The following TAPT1 variants were observed in gnomAD, a reference collection of about 807,000 sequenced individuals.
TAPT1 encodes transmembrane anterior posterior transformation 1, also known as transmembrane anterior posterior transformation protein 1 homolog.
Under a neutral mutation model 65.6 loss-of-function variants are expected in TAPT1, and 28 were observed. The observed-to-expected ratio is 0.43, with a 90% CI of 0.32 to 0.59. The LOEUF (loss-of-function observed/expected upper bound fraction) is 0.59, where lower values mean the gene tolerates loss of function less well. Among genes scored for constraint, TAPT1 ranks in the 20% least tolerant of loss-of-function variants. TAPT1 has a pLI of 0.09. For missense variants in TAPT1, 563 were observed against 679.9 expected (o/e 0.83, Z 1.91); for synonymous variants, 278 against 245.2 (o/e 1.13, Z -1.25).
At chr4:16,188,737 A>T (rs1344426468) in intron 4 of TAPT1, among the ~76,000 whole-genome samples, 2 of 152,022 alleles carry the variant, frequency 1.3e-5, no homozygotes, top group African/African-American at 2.4e-5. Context: ...TGGCTAACAC[A>T]GTGAAACGCC....
rs1419358080 is a variant in TAPT1, at chr4:16,160,885, A to G, written c.*2423T>C. 1 of 152,654 alleles carries G rather than the reference A, an allele frequency of 6.6e-6. No homozygotes were observed. Among genetic ancestry groups the G allele is most frequent in the Non-Finnish European group, 1.5e-5 (1 of 68,042 alleles). 9.5% of individuals were successfully genotyped at this position (152,654 alleles called of 1,614,324 possible). ...AAACTCTAAATACTGGCCAAAGTCC[A>G]CAAGAAAATCTGGACAAGCGTATCA... is the stretch of plus-strand genomic sequence containing the variant. On this transcript the variant is annotated 3_prime_UTR_variant, in exon 14 of 14. Transcript: ENST00000405303.
In TAPT1 at chr4:16,186,587, T is replaced by C; in HGVS notation, c.864A>G (p.Gly288=). ...MMSNNFVEIK[G]SVFKKFEKNN... Reference sequence around the variant, plus strand: ...TCTTTTCAAACTTCTTGAAAACACTTCCTTTAATTTCAACAAACTGAAATA... The same window carrying C: ...TCTTTTCAAACTTCTTGAAAACACTCCCTTTAATTTCAACAAACTGAAATA... The change falls in exon 7 of 14, where the codon GGA becomes GGG. Residue 288 remains glycine, a synonymous_variant. Transcript: ENST00000405303. 1 of 1,533,186 alleles carries C rather than the reference T, an allele frequency of 6.5e-7. No individual in the cohort carries two copies. The highest frequency in any genetic ancestry group is 8.9e-7 in the Non-Finnish European group (1 of 1,129,440). The allele number at this position is 1,533,186 out of a possible 1,614,324, so 95.0% of individuals were successfully genotyped here.
At chr4:16,164,965 C>A (rs1747497217) in intron 13 of TAPT1, among the ~76,000 whole-genome samples, 1 of 152,082 alleles carries the variant, frequency 6.6e-6, no homozygotes, top group Non-Finnish European at 1.5e-5. Flanking sequence ...CCCAACTCTC[C>A]TCTCCTCCCT....
At position 16,191,341 on chromosome 4, in the gene TAPT1, G is replaced by C. The variant is rs368354085; in HGVS notation, c.612+20C>G. On this transcript the variant is annotated intron_variant, in intron 4 of 13. Coordinates refer to ENST00000405303, the MANE Select transcript of TAPT1 (RefSeq NM_153365.3). ...CTGAGTGCCCTGGCCAGGCCTGTGC[G>C]GGGTAAGCAAGGCCCTTACCTCCAG... 4.4e-6 allele frequency: 7 copies of C among 1,587,420 alleles called. No homozygotes were observed. The highest frequency in any genetic ancestry group is 1.3e-5 in the African/African-American group (1 of 74,372).
At position 16,212,624 on chromosome 4, in the gene TAPT1, GC is replaced by G. The variant is rs542006471; in HGVS notation, c.330+1143del. ...CCCTCCTTATCTGTAAGTCCCTCAG[GC>G]CCCCCCAGGGAACTCTAGTCCTCTA... On this transcript the variant is annotated intron_variant, in intron 2 of 13. Coordinates refer to ENST00000405303, the MANE Select transcript of TAPT1 (RefSeq NM_153365.3). Among the ~76,000 whole-genome samples the G allele has an allele frequency of 2.6e-5, 4 of 152,122 alleles. No individual in the cohort carries two copies. The East Asian group carries it at 5.8e-4, about 22-fold the overall frequency.
intron 13 of TAPT1, among the ~76,000 whole-genome samples, chr4:16,165,158 C>T (rs1017970543): frequency 6.6e-6 from 1 of 152,190 alleles, no homozygotes; most frequent in African/African-American, 2.4e-5. Context: ...TCCCTCCAAA[C>T]CCTCTGCTCA....
intron 12 of TAPT1, among the ~76,000 whole-genome samples, chr4:16,168,983 T>G (rs1747817533): frequency 6.6e-6 from 1 of 152,240 alleles, no homozygotes; most frequent in Non-Finnish European, 1.5e-5. Context: ...AAAGCCCAAC[T>G]GAATTCTGAT....
intron 2 of TAPT1, among the ~76,000 whole-genome samples, chr4:16,205,126 T>C (rs1450193330): frequency 1.3e-5 from 2 of 152,220 alleles, no homozygotes; most frequent in African/African-American, 4.8e-5. Context: ...GCAGGGTTTC[T>C]TCACCTTTTA....
chr4:16,207,339 C>T (rs952193846), intron 2 of TAPT1, among the ~76,000 whole-genome samples: 1 of 152,154 alleles, frequency 6.6e-6, no homozygotes, highest in African/African-American at 2.4e-5. Flanking sequence ...ATAGTCATTA[C>T]GTTTTCTTAA....
chr4:16,211,489 T>G (rs1199782432), intron 2 of TAPT1, among the ~76,000 whole-genome samples: 1 of 152,144 alleles, frequency 6.6e-6, no homozygotes, highest in Non-Finnish European at 1.5e-5. Flanking sequence ...GTTTTAGAAG[T>G]TAAGAAAAAA....
intron 3 of TAPT1, among the ~76,000 whole-genome samples, chr4:16,198,576 T>C (rs36012247): frequency 0.75 from 113,444 of 151,722 alleles, 42,592 homozygotes; most frequent in Middle Eastern, 0.87. Context: ...AAAAAAATTA[T>C]TTAAAAAATT....
chr4:16,168,249 A>C (rs1560149772), intron 12 of TAPT1, among the ~76,000 whole-genome samples: 3 of 151,936 alleles, frequency 2.0e-5, no homozygotes, highest in Non-Finnish European at 2.9e-5. Context: ...CACAGCTGGG[A>C]CCACAGGCGT....
chr4:16,221,436 A>G (rs1335887337), intron 1 of TAPT1, among the ~76,000 whole-genome samples: 3 of 152,124 alleles, frequency 2.0e-5, no homozygotes, highest in African/African-American at 7.2e-5. Context: ...CCTCCAGCAT[A>G]TTTTTACATG....
intron 4 of TAPT1, 38 bp downstream of exon 4, chr4:16,191,323 C>T (rs1749359223): frequency 1.3e-6 from 2 of 1,560,204 alleles, no homozygotes; most frequent in East Asian, 2.3e-5. Context: ...AAGCTGAGTG[C>T]CCTGGCCAGG....
At chr4:16,198,473 C>T (rs539475912) in intron 3 of TAPT1, among the ~76,000 whole-genome samples, 7 of 152,024 alleles carry the variant, frequency 4.6e-5, no homozygotes, top group Admixed American at 1.3e-4. Context: ...TGGACTGTTT[C>T]CTCCCTTTTG....
At chr4:16,185,674 T>A (rs897354049) in intron 7 of TAPT1, among the ~76,000 whole-genome samples, 7 of 152,156 alleles carry the variant, frequency 4.6e-5, no homozygotes, top group Non-Finnish European at 5.9e-5. Flanking sequence ...TGGCTGATCA[T>A]CATACTTTTT....
Position 16,163,323 on chromosome 4 carries a change from T to G in TAPT1, c.1689A>C (p.Gly563=). 1 of 1,613,862 alleles carries G rather than the reference T, an allele frequency of 6.2e-7. No homozygotes were observed. The highest frequency in any genetic ancestry group is 8.5e-7 in the Non-Finnish European group (1 of 1,179,720). The change falls in exon 14 of 14, where the codon GGA becomes GGC. Residue 563 remains glycine (G), a synonymous_variant. Transcript: ENST00000405303. The part of the protein sequence containing the change: ...LLEIDRFTIC[G]NRID ...AGCCACAGATTCAGTCAATTCGGTTTCCACAAATTGTGAACCTGTCTATCT... is the reference window on the plus strand; with the variant it reads ...AGCCACAGATTCAGTCAATTCGGTTGCCACAAATTGTGAACCTGTCTATCT...
At chr4:16,221,480 C>T (rs1751253009) in intron 1 of TAPT1, among the ~76,000 whole-genome samples, 1 of 152,126 alleles carries the variant, frequency 6.6e-6, no homozygotes, top group Admixed American at 6.5e-5. Flanking sequence ...GCTCTGTGAT[C>T]CAGAACTTAA....
At chr4:16,167,073 C>G (rs1365175604) in intron 12 of TAPT1, among the ~76,000 whole-genome samples, 1 of 144,930 alleles carries the variant, frequency 6.9e-6, no homozygotes, top group Admixed American at 7.0e-5. Flanking sequence ...TGGCTCACTG[C>G]AACCTCCGCC....
Sources: allele counts gnomAD v4.1 joint callset (sites outside exome capture counted in the v4.1 genomes callset), GRCh38; gene constraint gnomAD v4.1.1; transcripts MANE v1.5; gene names NCBI Gene and HGNC (gene_info 2026-07-23, HGNC 2026-07-21).